TAPT1: variants seen among roughly 807,000 people sequenced by gnomAD.
TAPT1 encodes the protein transmembrane anterior posterior transformation protein 1 homolog.
Under a neutral mutation model 65.6 loss-of-function variants are expected in TAPT1, and 28 were observed. That is an observed-to-expected ratio of 0.43 (90% confidence interval 0.32 to 0.59). The LOEUF is 0.59. TAPT1 is among the 20% of genes least tolerant of loss of function. The probability of loss-of-function intolerance (pLI) is 0.09; values close to 1 mark genes in which losing one functional copy is unlikely to be tolerated. For synonymous variants in TAPT1, 278 were observed against 245.2 expected (o/e 1.13, Z -1.25); for missense variants, 563 against 679.9 (o/e 0.83, Z 1.91).
In TAPT1 at chr4:16,163,543, A is replaced by G; in HGVS notation, c.1475-6T>C. 2 of 1,594,366 alleles carry G rather than the reference A, an allele frequency of 1.3e-6. No individual in the cohort carries two copies. The highest frequency in any genetic ancestry group is 1.7e-6 in the Non-Finnish European group (2 of 1,163,128). The stretch of plus-strand genomic sequence containing the variant: ...GTTTTCTTCTGTGGAAAGGCCTGTG[A>G]TAAAATAGATCCATTAAATTAGAGA... On this transcript the variant is annotated splice_region_variant and splice_polypyrimidine_tract_variant and intron_variant, in intron 13 of 13. Coordinates refer to ENST00000405303, the MANE Select transcript of TAPT1 (RefSeq NM_153365.3).
At chr4:16,203,047 C>T (rs1750133225) in intron 2 of TAPT1, among the ~76,000 whole-genome samples, 1 of 152,130 alleles carries the variant, frequency 6.6e-6, no homozygotes, top group Admixed American at 6.6e-5. Flanking sequence ...ACTCAGAAGG[C>T]CTTATTCTTA....
rs556416898 is a variant in TAPT1, at chr4:16,195,965, T to C, written c.450-4442A>G. Among the ~76,000 whole-genome samples the C allele has an allele frequency of 8.5e-4, 130 of 152,336 alleles. 2 individuals are homozygous for C. Among genetic ancestry groups the C allele is most frequent in the African/African-American group, 3.0e-3 (126 of 41,586 alleles). ...CATGCCAGAGTATTAGCATGAGTTA[T>C]TTCATTACAAAATACATAGACTAGA... On this transcript the variant is annotated intron_variant, in intron 3 of 13. Coordinates refer to ENST00000405303, the MANE Select transcript of TAPT1 (RefSeq NM_153365.3).
At chr4:16,195,489 C>A (rs940482959) in intron 3 of TAPT1, among the ~76,000 whole-genome samples, 1 of 152,196 alleles carries the variant, frequency 6.6e-6, no homozygotes, top group African/African-American at 2.4e-5. Context: ...TGTCATCACA[C>A]AAGTAATATT....
At position 16,191,397 on chromosome 4, in the gene TAPT1, G is replaced by A. The variant is rs1201139768; in HGVS notation, c.576C>T (p.Ser192=). Residue 192 remains serine, a synonymous_variant, in exon 4 of 14, where the codon TCC becomes TCT. Transcript: ENST00000405303. ...SMMYHLIRGQ[S]VIKLYIIYNM... The stretch of plus-strand genomic sequence containing the variant: ...TGTAGATGATGTAGAGCTTGATGAC[G>A]GACTGCCCCCTTATCAGGTGGTACA... The A allele has an allele frequency of 5.6e-6, 9 of 1,601,652 alleles. No homozygotes were observed. The highest frequency in any genetic ancestry group is 1.3e-5 in the African/African-American group (1 of 74,792).
At chr4:16,183,142 T>C (rs548121162) in intron 7 of TAPT1, 9 of 145,714 alleles carry the variant, frequency 6.2e-5, no homozygotes, top group Middle Eastern at 6.8e-3. Flanking sequence ...TGACTCCTGA[T>C]CTTTCCATTT....
Position 16,174,667 on chromosome 4 carries a change from C to A in TAPT1, c.1167+3G>T. On this transcript the variant is annotated splice_donor_region_variant and intron_variant, in intron 10 of 13. Coordinates refer to ENST00000405303, the MANE Select transcript of TAPT1 (RefSeq NM_153365.3). ...TCAGACTACGCCCTTGATAAATGCT[C>A]ACATTTTTCTGTCGGCTGCTAACAA... 6.3e-7 allele frequency: 1 copy of A among 1,588,724 alleles called. No individual in the cohort carries two copies. The highest frequency in any genetic ancestry group is 1.2e-5 in the South Asian group (1 of 86,864).
intron 11 of TAPT1, among the ~76,000 whole-genome samples, chr4:16,173,906 G>C (rs536312227): frequency 6.6e-6 from 1 of 152,234 alleles, no homozygotes; most frequent in East Asian, 1.9e-4. Context: ...ACCATGCTCA[G>C]ATATTTCCAT....
At chr4:16,179,441 G>T (rs780377165) in intron 8 of TAPT1, 136 bp downstream of exon 8, 119 of 548,392 alleles carry the variant, frequency 2.2e-4, no homozygotes, top group Non-Finnish European at 2.4e-4. Flanking sequence ...ACAGATGATT[G>T]TTTCACCAAT....
intron 1 of TAPT1, among the ~76,000 whole-genome samples, chr4:16,224,418 A>C (rs975606259): frequency 2.8e-4 from 42 of 152,184 alleles, no homozygotes; most frequent in African/African-American, 8.9e-4. Flanking sequence ...TGACTAGCAG[A>C]GCAGGGACAC....
chr4:16,213,516 T>A lies in TAPT1; in HGVS notation c.330+252A>T, dbSNP rs184218860. ...GATTAATTCCTTACAAAAGTTATTT[T>A]GATGTAGCACACAATGATAATGATA... On this transcript the variant is annotated intron_variant, in intron 2 of 13. Coordinates refer to ENST00000405303, the MANE Select transcript of TAPT1 (RefSeq NM_153365.3). Among the ~76,000 whole-genome samples the A allele has an allele frequency of 3.9e-5, 6 of 152,328 alleles. No homozygotes were observed. The East Asian group carries it at 1.2e-3, about 29-fold the overall frequency.
At chr4:16,179,269 T>C (rs1748557201) in intron 8 of TAPT1, 2 of 244,304 alleles carry the variant, frequency 8.2e-6, no homozygotes, top group Non-Finnish European at 1.6e-5. Context: ...CCATACTGAA[T>C]ACTGCAGGCA....
intron 11 of TAPT1, 76 bp from the exon 12 acceptor site, chr4:16,170,805 A>G: frequency 1.8e-6 from 2 of 1,125,662 alleles, no homozygotes; most frequent in South Asian, 1.4e-5. Flanking sequence ...TTAATACTTA[A>G]AAAGATTTCT....
In TAPT1 at chr4:16,202,451, C is replaced by T; in HGVS notation, c.449+11G>A. On this transcript the variant is annotated intron_variant, in intron 3 of 13. Transcript: ENST00000405303. The stretch of plus-strand genomic sequence containing the variant: ...CTATACATTTACAATAGTTAACGAT[C>T]TTAAACTTACCTTAAGCCATAGCAA... 6.9e-7 allele frequency: 1 copy of T among 1,446,242 alleles called. No individual in the cohort carries two copies. Among genetic ancestry groups the T allele is most frequent in the Non-Finnish European group, 9.5e-7 (1 of 1,053,064 alleles). 89.6% of individuals were successfully genotyped at this position (1,446,242 alleles called of 1,614,324 possible). A position where few individuals can be genotyped will look rare whatever the true frequency, so the allele number is the denominator to read the frequency against.
chr4:16,200,697 C>T (rs968480056), intron 3 of TAPT1, among the ~76,000 whole-genome samples: 1 of 152,108 alleles, frequency 6.6e-6, no homozygotes, highest in South Asian at 2.1e-4. Flanking sequence ...CGCTTTATCC[C>T]GTTCCAAATA....
intron 3 of TAPT1, among the ~76,000 whole-genome samples, chr4:16,198,738 G>C (rs1383199445): frequency 1.3e-5 from 2 of 152,130 alleles, no homozygotes; most frequent in Non-Finnish European, 2.9e-5. Flanking sequence ...TTTAATGGAA[G>C]TAGAAAACAC....
In TAPT1 at chr4:16,217,694, T is replaced by C. The variant is rs1751020984; in HGVS notation, c.200-3796A>G. Among the ~76,000 whole-genome samples, 3 of 152,196 alleles carry C rather than the reference T, an allele frequency of 2.0e-5. No individual in the cohort carries two copies. In the South Asian group the frequency reaches 6.2e-4, roughly 31 times the overall value. On this transcript the variant is annotated intron_variant, in intron 1 of 13. Transcript: ENST00000405303. ...CTTAATAAATAACAACGTACCAATATAAAACAAAAATCAGACATGACAAAA... is the reference window on the plus strand; with the variant it reads ...CTTAATAAATAACAACGTACCAATACAAAACAAAAATCAGACATGACAAAA...
At chr4:16,192,233 T>C (rs1749419658) in intron 3 of TAPT1, among the ~76,000 whole-genome samples, 2 of 152,342 alleles carry the variant, frequency 1.3e-5, no homozygotes, top group South Asian at 4.1e-4. Context: ...AGCAATGTCA[T>C]GAGAAAGCCT....
intron 3 of TAPT1, among the ~76,000 whole-genome samples, chr4:16,201,965 T>C (rs2149703236): frequency 1.3e-5 from 2 of 152,274 alleles, no homozygotes; most frequent in East Asian, 3.9e-4. Flanking sequence ...GTCTCGTCCA[T>C]AACCAGTAAC....
At chr4:16,172,019 G>GT (rs1338980314) in intron 11 of TAPT1, among the ~76,000 whole-genome samples, 1 of 152,022 alleles carries the variant, frequency 6.6e-6, no homozygotes, top group African/African-American at 2.4e-5. Flanking sequence ...CAAGGCTCCT[G>GT]GATGCCCGCC....
Sources: allele counts gnomAD v4.1 joint callset (sites outside exome capture counted in the v4.1 genomes callset), GRCh38; gene constraint gnomAD v4.1.1; transcripts MANE v1.5; gene names NCBI Gene and HGNC (gene_info 2026-07-23, HGNC 2026-07-21).